AK2: variants seen among roughly 807,000 people sequenced by gnomAD.
The protein encoded by AK2 is adenylate kinase 2, mitochondrial.
In AK2, 15 loss-of-function variants were observed where a neutral mutation model predicts 24.6. The ratio of observed to expected loss-of-function variants is 0.61; its 90% CI spans 0.41 to 0.94. The LOEUF is 0.94. Among genes scored for constraint, AK2 ranks in the 40% least tolerant of loss-of-function variants. The pLI is 0.00. For synonymous variants in AK2, 102 were observed against 114.0 expected (o/e 0.90, Z 0.67); for missense variants, 257 against 304.1 (o/e 0.85, Z 1.15).
chr1:33,008,959 T>A lies in AK2; in HGVS notation c.*4222A>T, dbSNP rs972409109. 5 of 453,888 alleles carry A rather than the reference T, an allele frequency of 1.1e-5. No individual in the cohort carries two copies. Among genetic ancestry groups the A allele is most frequent in the Non-Finnish European group, 2.2e-5 (5 of 226,790 alleles). 28.1% of individuals were successfully genotyped at this position (453,888 alleles called of 1,614,324 possible). The stretch of plus-strand genomic sequence containing the variant: ...TGGTTTGACAAACATTTCCCCACAA[T>A]TAGATGCATGATGACCAAGGGAGGA... On this transcript the variant is annotated 3_prime_UTR_variant, in exon 6 of 6. Transcript: ENST00000672715.
Position 33,012,397 on chromosome 1 carries a change from T to C in AK2, c.*784A>G. On this transcript the variant is annotated 3_prime_UTR_variant, in exon 6 of 6. Transcript: ENST00000672715. ...ACACACTGACTCACGTGGGTTTTCA[T>C]CATGGGTTAGAAAACAAAATGGAAT... 1 of 1,509,166 alleles carries C rather than the reference T, an allele frequency of 6.6e-7. No individual in the cohort carries two copies. Among genetic ancestry groups the C allele is most frequent in the South Asian group, 1.2e-5 (1 of 82,906 alleles). 93.5% of individuals were successfully genotyped at this position (1,509,166 alleles called of 1,614,324 possible). A position where few individuals can be genotyped will look rare whatever the true frequency, so the allele number is the denominator to read the frequency against.
rs761486723 is a variant in AK2 at position 33,011,495 on chromosome 1, G to A, written c.*1686C>T. 14 of 1,287,334 alleles carry A rather than the reference G, an allele frequency of 1.1e-5. No individual in the cohort carries two copies. Among genetic ancestry groups the A allele is most frequent in the Non-Finnish European group, 1.2e-5 (12 of 988,850 alleles). 79.7% of individuals were successfully genotyped at this position (1,287,334 alleles called of 1,614,324 possible). A position where few individuals can be genotyped will look rare whatever the true frequency, so the allele number is the denominator to read the frequency against. The stretch of plus-strand genomic sequence containing the variant: ...CAAGGTGGCCAGGTACTCATGCCCA[G>A]TTGCCATGTGGACAGCAGATAAGAC... On this transcript the variant is annotated 3_prime_UTR_variant, in exon 6 of 6. Transcript: ENST00000672715.
In AK2 at chr1:33,014,172, C is replaced by T. The variant is rs1639028318; in HGVS notation, c.498+350G>A. 3.3e-5 allele frequency among the ~76,000 whole-genome samples: 5 copies of T among 152,202 alleles called. No individual in the cohort carries two copies. The South Asian group carries it at 6.2e-4, about 19-fold the overall frequency. ...AACTTCTCTTCAGTGCCACACTCTT[C>T]CCACTCTCCAATTGTAGGCTTTTAA... is the stretch of plus-strand genomic sequence containing the variant. On this transcript the variant is annotated intron_variant, in intron 5 of 5. Transcript: ENST00000672715.
At chr1:33,014,734 T>C (rs1639072325) in intron 4 of AK2, 140 bp from the exon 5 acceptor site, 3 of 724,992 alleles carry the variant, frequency 4.1e-6, no homozygotes, top group Admixed American at 1.9e-5. Context: ...TCCAGCTAAA[T>C]AACTGGGCTT....
rs1396976614 is a variant in AK2 at position 33,008,420 on chromosome 1, A to C, written c.*4761T>G. 4.4e-6 allele frequency: 2 copies of C among 454,002 alleles called. No individual in the cohort carries two copies. Among genetic ancestry groups the C allele is most frequent in the Non-Finnish European group, 8.8e-6 (2 of 226,790 alleles). 28.1% of individuals were successfully genotyped at this position (454,002 alleles called of 1,614,324 possible). On this transcript the variant is annotated 3_prime_UTR_variant, in exon 6 of 6. Coordinates refer to ENST00000672715, the MANE Select transcript of AK2 (RefSeq NM_001625.4). ...GTGTTCTGTCAGTGACACTTTGTGC[A>C]CACAGGAGATCCTAAGACACATACC...
chr1:33,021,727 C>T, intron 2 of AK2, 24 bp from the exon 3 acceptor site: 1 of 1,583,122 alleles, frequency 6.3e-7, no homozygotes, highest in Non-Finnish European at 8.7e-7. Context: ...ACAAAATAGC[C>T]TTGGGTTTAA....
In AK2 at chr1:33,010,802, G is replaced by A. The variant is rs113309753; in HGVS notation, c.*2379C>T. The A allele has an allele frequency of 0.011, 18,067 of 1,614,236 alleles. 21 individuals are homozygous for A. The highest frequency in any genetic ancestry group is 0.014 in the Non-Finnish European group (16,668 of 1,180,014). On this transcript the variant is annotated 3_prime_UTR_variant, in exon 6 of 6. Transcript: ENST00000672715. ...ATCACGCCGCGGGGTGATGAGCAGTGTTGCAGTCTCGCCTGGCCTTCTGAT... is the reference window on the plus strand; with the variant it reads ...ATCACGCCGCGGGGTGATGAGCAGTATTGCAGTCTCGCCTGGCCTTCTGAT...
At chr1:33,016,495 G>A (rs1045398125) in intron 4 of AK2, among the ~76,000 whole-genome samples, 9 of 151,988 alleles carry the variant, frequency 5.9e-5, no homozygotes, top group Non-Finnish European at 8.8e-5. Flanking sequence ...ACAGGTGTGA[G>A]CCACTGCGCC....
At chr1:33,029,615 G>C (rs914546288) in intron 1 of AK2, 7 of 152,102 alleles carry the variant, frequency 4.6e-5, no homozygotes, top group Non-Finnish European at 1.0e-4. Context: ...GTTTCGTCAT[G>C]TTGCCCAGGC....
Position 33,012,036 on chromosome 1 carries a change from C to T in AK2, c.*1145G>A, listed in dbSNP as rs371527884. 3 of 1,535,200 alleles carry T rather than the reference C, an allele frequency of 2.0e-6. No homozygotes were observed. The highest frequency in any genetic ancestry group is 4.9e-5 in the East Asian group (2 of 40,916). On this transcript the variant is annotated 3_prime_UTR_variant, in exon 6 of 6. Transcript: ENST00000672715. ...ACACTGTTTTGTTCACACTTGGAAA[C>T]ACAGGCAAACATTAAAAATAAAAGC...
At chr1:33,031,886 G>A (rs997199639) in intron 1 of AK2, 7 of 259,318 alleles carry the variant, frequency 2.7e-5, no homozygotes, top group African/African-American at 1.3e-4. Flanking sequence ...CAAAAGGGAG[G>A]CAAGGAAATA....
chr1:33,034,189 T>C (rs1250600928), intron 1 of AK2, among the ~76,000 whole-genome samples: 1 of 152,178 alleles, frequency 6.6e-6, no homozygotes, highest in Non-Finnish European at 1.5e-5. Flanking sequence ...TGTGTAAATC[T>C]TATCCTTTCA....
At chr1:33,020,043 G>C in intron 4 of AK2, 8 of 1,532,426 alleles carry the variant, frequency 5.2e-6, no homozygotes, top group Non-Finnish European at 7.0e-6. Context: ...CATACTTCTG[G>C]AAGGCACAAA....
In AK2 at chr1:33,013,276, C is replaced by T. The variant is rs12116440; in HGVS notation, c.625G>A (p.Ala209Thr). The change falls in exon 6 of 6, where the codon GCC (alanine) becomes ACC (threonine). Residue 209 changes from alanine (A) to threonine (T), a missense_variant. By Grantham distance (58) the Ala-to-Thr change is moderately conservative. Coordinates refer to ENST00000672715, the MANE Select transcript of AK2 (RefSeq NM_001625.4). ...EYYRKRGIHS[A>T]IDASQTPDVV... Reference sequence around the variant, plus strand: ...TCGGGGGTCTGGGATGCATCGATGGCGGAGTGGATCCCCCGTTTCCTGTAG... The same window carrying T: ...TCGGGGGTCTGGGATGCATCGATGGTGGAGTGGATCCCCCGTTTCCTGTAG... 0.012 allele frequency: 19,459 copies of T among 1,614,092 alleles called. 134 individuals carry two copies. The highest frequency in any genetic ancestry group is 0.015 in the Non-Finnish European group (17,666 of 1,179,990).
intron 5 of AK2, chr1:33,014,219 G>T: frequency 2.8e-6 from 1 of 359,396 alleles, no homozygotes; most frequent in Non-Finnish European, 5.4e-6. Context: ...CTGATTAGCT[G>T]ATCACTTAGG....
Position 33,029,826 on chromosome 1 carries a change from A to T in AK2, c.94-5259T>A, listed in dbSNP as rs79142149. On this transcript the variant is annotated intron_variant, in intron 1 of 5. Coordinates refer to ENST00000672715, the MANE Select transcript of AK2 (RefSeq NM_001625.4). Reference sequence around the variant, plus strand: ...CCGGAGTAGTTGGGACTATGGGCGCATATCACTGTGCCTGGCACAATTACC... The same window carrying T: ...CCGGAGTAGTTGGGACTATGGGCGCTTATCACTGTGCCTGGCACAATTACC... Among the ~76,000 whole-genome samples, 549 of 152,334 alleles carry T rather than the reference A, an allele frequency of 3.6e-3. 24 individuals are homozygous for T. The East Asian group carries it at 0.093, about 26-fold the overall frequency.
Position 33,027,465 on chromosome 1 carries a change from G to C in AK2, c.94-2898C>G, listed in dbSNP as rs780232202. Among the ~76,000 whole-genome samples, 109 of 152,186 alleles carry C rather than the reference G, an allele frequency of 7.2e-4. 1 individual carries two copies. Among genetic ancestry groups the C allele is most frequent in the Non-Finnish European group, 1.5e-4 (10 of 68,022 alleles). ...AGGGAAGAAAACTAATTCCTGGCTGGGTATGGTGGCTCACGCCTGTAATCC... is the reference window on the plus strand; with the variant it reads ...AGGGAAGAAAACTAATTCCTGGCTGCGTATGGTGGCTCACGCCTGTAATCC... On this transcript the variant is annotated intron_variant, in intron 1 of 5. Transcript: ENST00000672715.
intron 4 of AK2, among the ~76,000 whole-genome samples, chr1:33,015,270 G>T (rs936010687): frequency 1.3e-5 from 2 of 152,194 alleles, no homozygotes; most frequent in African/African-American, 4.8e-5. Context: ...CGGGAAAAAT[G>T]ACTTATTAAA....
chr1:33,026,866 C>T (rs925184863), intron 1 of AK2, among the ~76,000 whole-genome samples: 2 of 151,960 alleles, frequency 1.3e-5, no homozygotes, highest in African/African-American at 2.4e-5. Flanking sequence ...TGGCTCACAC[C>T]TGTAATCCCA....
Sources: gnomAD v4.1 joint callset for allele counts (sites outside exome capture counted in the v4.1 genomes callset) on GRCh38, gnomAD v4.1.1 for gene constraint, MANE v1.5 for transcripts, NCBI Gene and HGNC (gene_info 2026-07-23, HGNC 2026-07-21) for gene names.